Variants in BLTP1 observed in about 807,000 individuals in gnomAD.
The protein encoded by BLTP1 is bridge-like lipid transfer protein family member 1, also known as fragile site-associated protein.
chr4:122,359,729 A>C, the BLTP1 span: 1 of 1,603,566 alleles, frequency 6.2e-7, no homozygotes, highest in Non-Finnish European at 8.5e-7. Context: ...TTAGGTAAGT[A>C]ATGAGTATAT....
the BLTP1 span, among the ~76,000 whole-genome samples, chr4:122,323,847 A>G: frequency 6.6e-6 from 1 of 152,066 alleles, no homozygotes; most frequent in Admixed American, 6.6e-5. Context: ...TTCTTAACAC[A>G]TCTCATTCCA....
At chr4:122,220,233 C>T in the BLTP1 span, 39 of 1,302,284 alleles carry the variant, frequency 3.0e-5, no homozygotes, top group Admixed American at 4.7e-4. Context: ...TTTTGAAAAA[C>T]AAATTCTCTT....
At chr4:122,165,407 C>A in the BLTP1 span, among the ~76,000 whole-genome samples, 3 of 150,362 alleles carry the variant, frequency 2.0e-5, no homozygotes, top group Non-Finnish European at 3.0e-5. Context: ...TGAACTCATC[C>A]TTTTTTATGG....
the BLTP1 span, chr4:122,324,314 A>G: frequency 3.7e-6 from 4 of 1,093,412 alleles, no homozygotes; most frequent in Non-Finnish European, 3.7e-6. Flanking sequence ...AAGTAACATT[A>G]AAGTCCCCTG....
chr4:122,270,376 A>G, the BLTP1 span: 2 of 981,674 alleles, frequency 2.0e-6, no homozygotes, highest in Non-Finnish European at 2.4e-6. Context: ...CTTGGGGCTT[A>G]TTGTTATTAT....
At chr4:122,344,702 G>T in the BLTP1 span, 3 of 1,214,868 alleles carry the variant, frequency 2.5e-6, no homozygotes, top group Non-Finnish European at 3.3e-6. Context: ...GGAATGCCCA[G>T]CCTACGGTAC....
At chr4:122,201,000 G>A in the BLTP1 span, 61 of 1,607,174 alleles carry the variant, frequency 3.8e-5, no homozygotes, top group Non-Finnish European at 5.0e-5. Context: ...CCTAACATTT[G>A]TTTTGCAGTT....
chr4:122,245,424 A>G, the BLTP1 span, among the ~76,000 whole-genome samples: 3 of 152,292 alleles, frequency 2.0e-5, no homozygotes, highest in Non-Finnish European at 4.4e-5. Flanking sequence ...TTTGGCCCTA[A>G]GTGAATGAAT....
chr4:122,319,188 A>T, the BLTP1 span, among the ~76,000 whole-genome samples: 1 of 151,584 alleles, frequency 6.6e-6, no homozygotes, highest in Non-Finnish European at 1.5e-5. Context: ...GGTTTTGTTG[A>T]TTTTTCTCTA....
chr4:122,336,713 TGAGCAA>T, the BLTP1 span: 1 of 905,600 alleles, frequency 1.1e-6, no homozygotes, highest in South Asian at 5.1e-5. Context: ...TTTGGGGGAA[TGAGCAA>T]GAGGTGCGAA....
chr4:122,209,024 TA>T, the BLTP1 span: 1 of 824,622 alleles, frequency 1.2e-6, no homozygotes, highest in Non-Finnish European at 1.6e-6. Flanking sequence ...TACAATAAAA[TA>T]AAAATAAATA....
chr4:122,257,006 C>G, the BLTP1 span, among the ~76,000 whole-genome samples: 5 of 152,116 alleles, frequency 3.3e-5, no homozygotes, highest in East Asian at 9.7e-4. Context: ...TCATATTGAC[C>G]TGTGCTATTG....
chr4:122,283,265 A>G, the BLTP1 span, among the ~76,000 whole-genome samples: 1 of 152,292 alleles, frequency 6.6e-6, no homozygotes, highest in South Asian at 2.1e-4. Context: ...TGATCATTGT[A>G]TATAACCAGT....
At chr4:122,232,187 A>G in the BLTP1 span, 1 of 864,210 alleles carries the variant, frequency 1.2e-6, no homozygotes, top group East Asian at 1.2e-4. Context: ...TTACGAGTTA[A>G]CAAGTTAGCT....
the BLTP1 span, chr4:122,362,050 A>G: frequency 6.2e-7 from 1 of 1,608,186 alleles, no homozygotes; most frequent in Non-Finnish European, 8.5e-7. Context: ...TTGGACTGGA[A>G]GAAAGATTGA....
chr4:122,178,412 T>C, the BLTP1 span, among the ~76,000 whole-genome samples: 1 of 152,160 alleles, frequency 6.6e-6, no homozygotes, highest in African/African-American at 2.4e-5. Context: ...TGCCCCTAAT[T>C]GGATCAGCAG....
At chr4:122,186,492 T>C in the BLTP1 span, among the ~76,000 whole-genome samples, 1 of 152,068 alleles carries the variant, frequency 6.6e-6, no homozygotes, top group Non-Finnish European at 1.5e-5. Context: ...TTTTTATCCT[T>C]TTGAATGTAT....
At chr4:122,348,180 A>G in the BLTP1 span, among the ~76,000 whole-genome samples, 2 of 152,196 alleles carry the variant, frequency 1.3e-5, no homozygotes, top group South Asian at 2.1e-4. Context: ...AGGCACCCCA[A>G]CCGGCATCTG....
At chr4:122,234,966 T>A in the BLTP1 span, 2 of 1,613,576 alleles carry the variant, frequency 1.2e-6, no homozygotes, top group Non-Finnish European at 1.7e-6. Context: ...TTATGGACAG[T>A]CTCTGCTACA....
Sources: allele counts gnomAD v4.1 joint callset (sites outside exome capture counted in the v4.1 genomes callset), GRCh38; gene constraint gnomAD v4.1.1; transcripts MANE v1.5; gene names NCBI Gene and HGNC (gene_info 2026-07-23, HGNC 2026-07-21).